AK8: variants seen among roughly 807,000 people sequenced by gnomAD.
The protein encoded by AK8 is ATP-AMP transphosphorylase 8.
AK8 carries 44 observed loss-of-function variants against 54.6 expected under a neutral mutation model. The observed-to-expected ratio is 0.81, with a 90% CI of 0.63 to 1.04. AK8 has a LOEUF of 1.04. Among genes scored for constraint, AK8 ranks in the 50% least tolerant of loss-of-function variants. The probability of loss-of-function intolerance (pLI) is 0.00; values close to 1 mark genes in which losing one functional copy is unlikely to be tolerated. For synonymous variants in AK8, 239 were observed against 245.6 expected, an observed-to-expected ratio of 0.97 and a Z score of 0.25; for missense variants, 555 against 613.6, an observed-to-expected ratio of 0.90 and a Z score of 1.01.
At chr9:132,754,605 T>G (rs1479044064) in intron 11 of AK8, among the ~76,000 whole-genome samples, 1 of 152,182 alleles carries the variant, frequency 6.6e-6, no homozygotes, top group Non-Finnish European at 1.5e-5. Flanking sequence ...GCCCTCTCTG[T>G]GATGCTGGTG....
rs1230717076 is a variant in AK8 at position 132,812,838 on chromosome 9, G to GA, written c.979+1799_979+1800insT. 2.6e-5 allele frequency among the ~76,000 whole-genome samples: 4 copies of GA among 151,920 alleles called. 1 individual carries two copies. ...CCTCCTACATCCACCTCATTCTGTG[G>GA]CCACCGCAGACACCCAGGACCAGAC... On this transcript the variant is annotated intron_variant, in intron 10 of 12. Transcript: ENST00000298545.
intron 9 of AK8, among the ~76,000 whole-genome samples, chr9:132,819,609 AGT>A (rs1185650146): frequency 3.3e-5 from 5 of 152,230 alleles, no homozygotes; most frequent in African/African-American, 1.2e-4. Context: ...TAATAAGTAG[AGT>A]GAGAATCATT....
Position 132,770,868 on chromosome 9 carries a change from C to G in AK8, c.1121+21766G>C, listed in dbSNP as rs185901886. 2.1e-3 allele frequency among the ~76,000 whole-genome samples: 315 copies of G among 152,248 alleles called. 2 individuals carry two copies. Among genetic ancestry groups the G allele is most frequent in the African/African-American group, 6.2e-3 (259 of 41,548 alleles). ...GGGTTACACCTTCTCTCAGGCCCAG[C>G]GGTGTGGGCCTCCCCAGTCAGGGAG... On this transcript the variant is annotated intron_variant, in intron 11 of 12. Coordinates refer to ENST00000298545, the MANE Select transcript of AK8 (RefSeq NM_152572.3). The surrounding 1 kb of genome is among the most constrained non-coding windows in gnomAD (Gnocchi z 4.3).
At chr9:132,749,934 A>G (rs1242470409) in intron 11 of AK8, among the ~76,000 whole-genome samples, 1 of 145,160 alleles carries the variant, frequency 6.9e-6, no homozygotes, top group Non-Finnish European at 1.5e-5. Context: ...TTCTTCCCCA[A>G]CCTCCTTCCT....
chr9:132,813,746 G>A (rs886631459), intron 10 of AK8, among the ~76,000 whole-genome samples: 33 of 152,170 alleles, frequency 2.2e-4, no homozygotes, highest in African/African-American at 7.7e-4. Flanking sequence ...TGACTAGAAT[G>A]CTCCCAAAGG....
chr9:132,731,430 G>T (rs1836840664), intron 11 of AK8, among the ~76,000 whole-genome samples: 1 of 152,178 alleles, frequency 6.6e-6, no homozygotes, highest in Non-Finnish European at 1.5e-5. Flanking sequence ...GTCTGAGAGG[G>T]TGGGTGGGGA....
intron 11 of AK8, among the ~76,000 whole-genome samples, chr9:132,747,767 AT>A (rs575550419): frequency 0.03 from 4,310 of 142,834 alleles, 200 homozygotes; most frequent in African/African-American, 0.1. Flanking sequence ...TTTAATTTTA[AT>A]TTTTTTTTTT....
intron 11 of AK8, among the ~76,000 whole-genome samples, chr9:132,766,172 T>TGTGATCA (rs1838717057): frequency 6.6e-6 from 1 of 152,206 alleles, no homozygotes. Context: ...AGTGCAGTGG[T>TGTGATCA]GTGATCATGG....
intron 5 of AK8, among the ~76,000 whole-genome samples, chr9:132,852,250 G>T (rs181003123): frequency 1.3e-5 from 2 of 152,320 alleles, no homozygotes; most frequent in East Asian, 3.9e-4. Context: ...AAGGCGGGAG[G>T]ATTACTTGAA....
At position 132,847,209 on chromosome 9, in the gene AK8, T is replaced by C. The variant is rs1016208830; in HGVS notation, c.402+7648A>G. 3.3e-5 allele frequency among the ~76,000 whole-genome samples: 5 copies of C among 152,220 alleles called. 1 individual carries two copies. Among genetic ancestry groups the C allele is most frequent in the East Asian group, 1.9e-4 (1 of 5,182 alleles). On this transcript the variant is annotated intron_variant, in intron 5 of 12. Transcript: ENST00000298545. ...CTCAAGTTCCTGGGTCACAGGTGGT[T>C]TGGGGATCATAGCATCTTCAAAGGA...
chr9:132,878,412 C>G (rs1302599704), upstream of AK8: 55 of 1,236,836 alleles, frequency 4.4e-5, no homozygotes, highest in Non-Finnish European at 5.2e-5. The surrounding 1 kb of genome is among the most constrained non-coding windows in gnomAD (Gnocchi z 4.7). Context: ...CCCGACCTCC[C>G]CGGCTGACGC....
chr9:132,750,853 G>T (rs1430102758), intron 11 of AK8, among the ~76,000 whole-genome samples: 3 of 151,946 alleles, frequency 2.0e-5, no homozygotes, highest in African/African-American at 7.2e-5. Flanking sequence ...CTCGATTTGT[G>T]GGGGTAAAGG....
chr9:132,803,471 T>C lies in AK8; in HGVS notation c.980-10696A>G, dbSNP rs1308501364. On this transcript the variant is annotated intron_variant, in intron 10 of 12. Coordinates refer to ENST00000298545, the MANE Select transcript of AK8 (RefSeq NM_152572.3). The surrounding 1 kb of genome is among the most constrained non-coding windows in gnomAD (Gnocchi z 4.4). ...CCACTAAGATGATGACGATGGCAAC[T>C]CCATTCTTGATAATAATCATGGTGA... Among the ~76,000 whole-genome samples the C allele has an allele frequency of 6.6e-6, 1 of 152,164 alleles. No homozygotes were observed. Among genetic ancestry groups the C allele is most frequent in the East Asian group, 1.9e-4 (1 of 5,200 alleles).
At chr9:132,831,736 T>C (rs969568912) in intron 5 of AK8, among the ~76,000 whole-genome samples, 4 of 152,118 alleles carry the variant, frequency 2.6e-5, no homozygotes, top group Non-Finnish European at 4.4e-5. Flanking sequence ...TGGGCGACTG[T>C]AAGAGATGTC....
At position 132,867,616 on chromosome 9, in the gene AK8, G is replaced by A. The variant is rs566960292; in HGVS notation, c.170-663C>T. On this transcript the variant is annotated intron_variant, in intron 2 of 12. Transcript: ENST00000298545. ...TGTGACCGAGAGTCTGGGCTCACCCGGCAGGTGAAGCTCTGGTGGCAGGCC... is the reference window on the plus strand; with the variant it reads ...TGTGACCGAGAGTCTGGGCTCACCCAGCAGGTGAAGCTCTGGTGGCAGGCC... Among the ~76,000 whole-genome samples, 13 of 152,310 alleles carry A rather than the reference G, an allele frequency of 8.5e-5. No individual in the cohort carries two copies. In the South Asian group the frequency reaches 1.9e-3, roughly 22 times the overall value.
At chr9:132,726,963 G>A (rs1385354825) in intron 12 of AK8, among the ~76,000 whole-genome samples, 1 of 146,838 alleles carries the variant, frequency 6.8e-6, no homozygotes, top group Non-Finnish European at 1.5e-5. Context: ...CTTAGTGATT[G>A]TGGGGTTTCC....
At chr9:132,725,954 C>A in intron 12 of AK8, 29 bp from the exon 13 acceptor site, 1 of 1,598,318 alleles carries the variant, frequency 6.3e-7, no homozygotes, top group Non-Finnish European at 8.5e-7. Flanking sequence ...AGCAGGTGAC[C>A]CATGGCCTGG....
chr9:132,751,701 C>T (rs1590195376), intron 11 of AK8, among the ~76,000 whole-genome samples: 1 of 151,680 alleles, frequency 6.6e-6, no homozygotes, highest in Non-Finnish European at 1.5e-5. Flanking sequence ...CAAATGCTCT[C>T]AAAGAAGTAC....
In AK8 at chr9:132,863,711, A is replaced by C. The variant is rs368763451; in HGVS notation, c.287T>G (p.Phe96Cys). 2.5e-6 allele frequency: 4 copies of C among 1,613,946 alleles called. No homozygotes were observed. Among genetic ancestry groups the C allele is most frequent in the Non-Finnish European group, 3.4e-6 (4 of 1,180,004 alleles). The change falls in exon 4 of 13, where the codon TTT becomes TGT. Residue 96 changes from phenylalanine (F) to cysteine (C), a missense_variant. By Grantham distance (205) the Phe-to-Cys change is radical (BLOSUM62 -2). Coordinates refer to ENST00000298545, the MANE Select transcript of AK8 (RefSeq NM_152572.3). ...TCTGGCTTCGGTGGCCGTATAGGAAAACTCATTTAAGATCAGGTTCTCCAG... is the reference window on the plus strand; with the variant it reads ...TCTGGCTTCGGTGGCCGTATAGGAACACTCATTTAAGATCAGGTTCTCCAG... ...LTLENLILNE[F>C]SYTATEARRL...
Sources: allele counts gnomAD v4.1 joint callset (sites outside exome capture counted in the v4.1 genomes callset), GRCh38; gene constraint gnomAD v4.1.1; non-coding constraint Gnocchi (gnomAD v3.1); transcripts MANE v1.5; gene names NCBI Gene and HGNC (gene_info 2026-07-23, HGNC 2026-07-21).